The following CHIC2 variants were observed in gnomAD, a reference collection of about 807,000 sequenced individuals.
CHIC2 encodes cysteine-rich hydrophobic domain-containing protein 2.
In CHIC2, 14 loss-of-function variants were observed where a neutral mutation model predicts 25.9. The ratio of observed to expected loss-of-function variants is 0.54; its 90% CI spans 0.36 to 0.85. The LOEUF (loss-of-function observed/expected upper bound fraction) is 0.85. Ranked by LOEUF, CHIC2 falls within the 40% of genes least tolerant of loss-of-function variation. The pLI, the probability that CHIC2 is intolerant of heterozygous loss-of-function variation, is 0.01. For synonymous variants in CHIC2, 70 were observed against 72.0 expected, an observed-to-expected ratio of 0.97 and a Z score of 0.14; for missense variants, 146 against 202.0, an observed-to-expected ratio of 0.72 and a Z score of 1.68.
intron 3 of CHIC2, among the ~76,000 whole-genome samples, chr4:54,031,319 G>A (rs1459338274): frequency 2.0e-5 from 3 of 151,906 alleles, no homozygotes; most frequent in Non-Finnish European, 4.4e-5. Flanking sequence ...ATTCTAAAAG[G>A]CAAGATGCTT....
At chr4:54,014,034 A>G in intron 4 of CHIC2, 29 bp downstream of exon 4, 4 of 1,611,280 alleles carry the variant, frequency 2.5e-6, no homozygotes, top group Non-Finnish European at 3.4e-6. Context: ...AGACCCCAAC[A>G]GTACGAAGCT....
At chr4:54,053,953 G>A (rs921631196) in intron 1 of CHIC2, among the ~76,000 whole-genome samples, 2 of 152,060 alleles carry the variant, frequency 1.3e-5, no homozygotes, top group Non-Finnish European at 2.9e-5. Flanking sequence ...ACCATGCTGG[G>A]CTAATTTTTG....
chr4:54,089,479 G>A, the CHIC2 span, among the ~76,000 whole-genome samples: 1 of 151,540 alleles, frequency 6.6e-6, no homozygotes, highest in Non-Finnish European at 1.5e-5. Context: ...TAATAAGTCA[G>A]CTTCTCTAAA....
intron 1 of CHIC2, among the ~76,000 whole-genome samples, chr4:54,062,188 GAGA>G (rs1159637046): frequency 3.3e-5 from 5 of 152,270 alleles, no homozygotes; most frequent in Middle Eastern, 6.8e-3. Context: ...AGATAAATGG[GAGA>G]AGAAGGAAGT....
At chr4:54,078,397 G>C in the CHIC2 span, among the ~76,000 whole-genome samples, 1 of 152,084 alleles carries the variant, frequency 6.6e-6, no homozygotes, top group African/African-American at 2.4e-5. Context: ...TTTGTTTCTG[G>C]ATCATAATTA....
intron 3 of CHIC2, among the ~76,000 whole-genome samples, chr4:54,021,988 C>T (rs1390554353): frequency 6.6e-6 from 1 of 152,098 alleles, no homozygotes; most frequent in African/African-American, 2.4e-5. Context: ...GAGACAAACC[C>T]CAGCTACATT....
the CHIC2 span, among the ~76,000 whole-genome samples, chr4:54,076,035 C>T: frequency 6.6e-6 from 1 of 151,992 alleles, no homozygotes; most frequent in Non-Finnish European, 1.5e-5. Context: ...ACCTGTAATC[C>T]TAGCACTTTG....
intron 1 of CHIC2, among the ~76,000 whole-genome samples, chr4:54,056,696 A>T (rs759415288): frequency 2.6e-5 from 4 of 152,236 alleles, no homozygotes; most frequent in Non-Finnish European, 5.9e-5. Context: ...TCCTAAGTAG[A>T]TAGTGGGAGA....
intron 3 of CHIC2, among the ~76,000 whole-genome samples, chr4:54,019,760 A>T (rs956698386): frequency 6.6e-6 from 1 of 152,114 alleles, no homozygotes; most frequent in East Asian, 1.9e-4. Flanking sequence ...TATTTCCACT[A>T]AGCAATCATC....
At position 54,010,029 on chromosome 4, in the gene CHIC2, G is replaced by A. The variant is rs577997724; in HGVS notation, c.*66C>T. The A allele has an allele frequency of 8.5e-5, 90 of 1,059,480 alleles. No individual in the cohort carries two copies. In the African/African-American group the frequency reaches 1.4e-3, roughly 16 times the overall value. The allele number at this position is 1,059,480 out of a possible 1,614,324, so 65.6% of individuals were successfully genotyped here. ...AACCAATGTTATGTCACCACCAGGA[G>A]AGCACCAAGCAAGGCACCATTGGAA... On this transcript the variant is annotated 3_prime_UTR_variant, in exon 6 of 6. Transcript: ENST00000263921.
chr4:54,050,444 A>G (rs1022823805), intron 1 of CHIC2, among the ~76,000 whole-genome samples: 2 of 152,094 alleles, frequency 1.3e-5, no homozygotes, highest in African/African-American at 2.4e-5. Context: ...ATTCAAGTTT[A>G]TCTTTCCTGA....
intron 3 of CHIC2, among the ~76,000 whole-genome samples, chr4:54,015,827 G>A (rs991438791): frequency 2.0e-5 from 3 of 152,150 alleles, no homozygotes; most frequent in African/African-American, 4.8e-5. Flanking sequence ...GCATCACAGC[G>A]AACCTGAAAA....
At chr4:54,014,032 A>T (rs1190264410) in intron 4 of CHIC2, 31 bp downstream of exon 4, 1 of 1,610,806 alleles carries the variant, frequency 6.2e-7, no homozygotes, top group Non-Finnish European at 8.5e-7. Context: ...TCAGACCCCA[A>T]CAGTACGAAG....
At chr4:54,020,221 C>T (rs565917234) in intron 3 of CHIC2, among the ~76,000 whole-genome samples, 207 of 152,250 alleles carry the variant, frequency 1.4e-3, no homozygotes, top group Admixed American at 1.9e-3. Flanking sequence ...TGATTTGTTT[C>T]TGCCCCACCT....
chr4:54,021,971 C>T (rs1451530359), intron 3 of CHIC2, among the ~76,000 whole-genome samples: 1 of 152,134 alleles, frequency 6.6e-6, no homozygotes, highest in Non-Finnish European at 1.5e-5. Flanking sequence ...TTCCTTGCCT[C>T]CACTGTGAGA....
intron 3 of CHIC2, among the ~76,000 whole-genome samples, chr4:54,038,817 T>A (rs1577974974): frequency 6.6e-6 from 1 of 152,074 alleles, no homozygotes; most frequent in South Asian, 2.1e-4. Flanking sequence ...AGCCCAGGAG[T>A]TCGAGACCAA....
At chr4:54,074,204 AAATTTAAGGG>A in the CHIC2 span, among the ~76,000 whole-genome samples, 1 of 152,010 alleles carries the variant, frequency 6.6e-6, no homozygotes, top group Non-Finnish European at 1.5e-5. Flanking sequence ...TCTGTGTGTA[AAATTTAAGGG>A]ATATTTTTAA....
rs561359272 is a variant in CHIC2 at position 54,053,767 on chromosome 4, C to T, written c.120-4462G>A. 5.3e-5 allele frequency among the ~76,000 whole-genome samples: 8 copies of T among 151,774 alleles called. No individual in the cohort carries two copies. In the South Asian group the frequency reaches 1.5e-3, roughly 28 times the overall value. On this transcript the variant is annotated intron_variant, in intron 1 of 5. Transcript: ENST00000263921. ...GCTATTTTTCAGAAATGTATAGTTC[C>T]TGCTAACTAAATAATTGACGAGTAT...
intron 3 of CHIC2, among the ~76,000 whole-genome samples, chr4:54,047,852 T>C (rs1397895776): frequency 6.6e-6 from 1 of 151,906 alleles, no homozygotes; most frequent in Non-Finnish European, 1.5e-5. Context: ...TTTTAAAAAA[T>C]AAAATTTATT....
Sources: allele counts gnomAD v4.1 joint callset (sites outside exome capture counted in the v4.1 genomes callset), GRCh38; gene constraint gnomAD v4.1.1; transcripts MANE v1.5; gene names NCBI Gene and HGNC (gene_info 2026-07-23, HGNC 2026-07-21).